Variants in ANK3 observed in about 807,000 individuals in gnomAD.
ANK3 encodes the protein ankyrin-3.
Under a neutral mutation model 370.9 loss-of-function variants are expected in ANK3, and 57 were observed. The ratio of observed to expected loss-of-function variants is 0.15; its 90% CI spans 0.12 to 0.19. The LOEUF (loss-of-function observed/expected upper bound fraction) is 0.19, where lower values mean the gene tolerates loss of function less well. Ranked by LOEUF, ANK3 falls within the 10% of genes least tolerant of loss-of-function variation. ANK3 has a pLI of 1.00. For synonymous variants in ANK3, 1,929 were observed against 1,946.3 expected (o/e 0.99, Z 0.23); for missense variants, 4,439 against 5,302.1 (o/e 0.84, Z 5.06).
chr10:60,695,781 T>G (rs936996769), intron 1 of ANK3, among the ~76,000 whole-genome samples: 6 of 152,160 alleles, frequency 3.9e-5, no homozygotes. Context: ...TAGCACTAAA[T>G]GCCCATAGGA....
chr10:60,593,882 T>G (rs2077951288), intron 2 of ANK3, among the ~76,000 whole-genome samples: 1 of 152,166 alleles, frequency 6.6e-6, no homozygotes, highest in Non-Finnish European at 1.5e-5. Flanking sequence ...AAGCTTTGAC[T>G]TAAAAGTGGT....
intron 43 of ANK3, among the ~76,000 whole-genome samples, chr10:60,042,387 C>CT (rs2076251996): frequency 6.6e-6 from 1 of 152,164 alleles, no homozygotes; most frequent in South Asian, 2.1e-4. Flanking sequence ...CATAGTGAGC[C>CT]TTTACTCTTA....
chr10:60,624,449 T>G (rs995874503), intron 1 of ANK3, among the ~76,000 whole-genome samples: 1 of 152,186 alleles, frequency 6.6e-6, no homozygotes, highest in Non-Finnish European at 1.5e-5. Flanking sequence ...AACTGGAAGC[T>G]TGGAGCTCTT....
intron 1 of ANK3, chr10:60,684,859 A>G (rs2079247294): frequency 5.4e-6 from 8 of 1,493,336 alleles, no homozygotes; most frequent in Non-Finnish European, 7.4e-6. Flanking sequence ...TCACAAAATA[A>G]CTAGGTTATC....
intron 2 of ANK3, among the ~76,000 whole-genome samples, chr10:60,437,109 C>A (rs117015738): frequency 0.018 from 2,715 of 152,246 alleles, 32 homozygotes; most frequent in South Asian, 0.044. Context: ...AGTGTTTAGA[C>A]CACTTGTTTG....
At chr10:60,323,555 G>A (rs2132902692) in intron 1 of ANK3, among the ~76,000 whole-genome samples, 1 of 152,252 alleles carries the variant, frequency 6.6e-6, no homozygotes, top group East Asian at 1.9e-4. Flanking sequence ...CACCTCTAGA[G>A]TTTAGGGTTT....
intron 1 of ANK3, among the ~76,000 whole-genome samples, chr10:60,339,463 G>A (rs1205871959): frequency 1.3e-5 from 2 of 152,030 alleles, no homozygotes; most frequent in Admixed American, 6.6e-5. Flanking sequence ...AGTTCTCCCT[G>A]TCATGTAAAA....
At chr10:60,685,163 C>A in intron 1 of ANK3, 1 of 542,476 alleles carries the variant, frequency 1.8e-6, no homozygotes, top group Non-Finnish European at 3.2e-6. Context: ...GCCTGGTTTG[C>A]CTGTCTGCCC....
At chr10:60,573,029 T>C in intron 2 of ANK3, 5 of 986,872 alleles carry the variant, frequency 5.1e-6, no homozygotes, top group Non-Finnish European at 6.0e-6. Flanking sequence ...GAATGTAAAT[T>C]GCTCTCCGTG....
At chr10:60,544,181 T>G (rs1051802938) in intron 2 of ANK3, among the ~76,000 whole-genome samples, 4 of 152,226 alleles carry the variant, frequency 2.6e-5, no homozygotes, top group African/African-American at 9.6e-5. Context: ...CAGGCATCAG[T>G]AAATATCCAT....
intron 4 of ANK3, among the ~76,000 whole-genome samples, chr10:60,278,509 G>T (rs2098120629): frequency 6.6e-6 from 1 of 151,992 alleles, no homozygotes. Flanking sequence ...CAAGTATCTG[G>T]GATTACAGAC....
chr10:60,184,361 CAGGGCATATTT>C (rs1370732720), intron 17 of ANK3, among the ~76,000 whole-genome samples: 4 of 152,126 alleles, frequency 2.6e-5, no homozygotes, highest in Non-Finnish European at 5.9e-5. Context: ...GTTTTCACAT[CAGGGCATATTT>C]AGTGCTTTAT....
At chr10:60,320,617 C>A (rs2048417854) in intron 1 of ANK3, among the ~76,000 whole-genome samples, 1 of 151,866 alleles carries the variant, frequency 6.6e-6, no homozygotes, top group Admixed American at 6.6e-5. Context: ...ACAAACAAAG[C>A]AATATGTTTG....
chr10:60,410,230 A>G (rs2063532011), intron 2 of ANK3, among the ~76,000 whole-genome samples: 1 of 151,970 alleles, frequency 6.6e-6, no homozygotes. Context: ...AGAGTTTGAG[A>G]CCAGCCTGGG....
chr10:60,283,515 A>G (rs1353473319), intron 1 of ANK3, among the ~76,000 whole-genome samples: 45 of 152,198 alleles, frequency 3.0e-4, no homozygotes, highest in Admixed American at 2.9e-3. Flanking sequence ...TTGCACAAAA[A>G]TGAATATGAA....
intron 2 of ANK3, among the ~76,000 whole-genome samples, chr10:60,560,680 CCA>C (rs2077315216): frequency 2.0e-5 from 3 of 152,124 alleles, no homozygotes; most frequent in African/African-American, 7.2e-5. Context: ...TGAAATAACA[CCA>C]CATTTGTAGT....
At chr10:60,187,221 T>A (rs1185405779) in intron 16 of ANK3, among the ~76,000 whole-genome samples, 2 of 151,956 alleles carry the variant, frequency 1.3e-5, no homozygotes, top group African/African-American at 4.8e-5. Context: ...AGTGGCTGGA[T>A]CTCGGCTCAC....
chr10:60,246,586 C>A (rs776798266), intron 7 of ANK3, among the ~76,000 whole-genome samples: 8 of 152,302 alleles, frequency 5.3e-5, no homozygotes, highest in African/African-American at 1.9e-4. Context: ...TGCTGGCCTT[C>A]CCAGGAAGCA....
Position 60,056,028 on chromosome 10 carries a change from T to C in ANK3, c.12695A>G (p.Gln4232Arg), listed in dbSNP as rs368823652. The C allele has an allele frequency of 1.9e-6, 3 of 1,604,698 alleles. No individual in the cohort carries two copies. Among genetic ancestry groups the C allele is most frequent in the East Asian group, 2.2e-5 (1 of 44,834 alleles). Residue 4232 changes from glutamine to arginine, a missense_variant, in exon 42 of 44, where the codon CAG becomes CGG. By Grantham distance (43) the Gln-to-Arg change is conservative. Transcript: ENST00000280772. ...ATATGAGGTAATGGAATCTCTACAC[T>C]GGTCAGGGCTGCAACAGAAAATTTG... ...LLDRLDDSPD[Q>R]CRDSITSYLK...
Sources: allele counts gnomAD v4.1 joint callset (sites outside exome capture counted in the v4.1 genomes callset), GRCh38; gene constraint gnomAD v4.1.1; transcripts MANE v1.5; gene names NCBI Gene and HGNC (gene_info 2026-07-23, HGNC 2026-07-21).